PPP2R2B: variants seen among roughly 807,000 people sequenced by gnomAD.
PPP2R2B encodes the protein protein phosphatase 2 regulatory subunit Bbeta.
In PPP2R2B, 5 loss-of-function variants were observed where a neutral mutation model predicts 46.0. That is an observed-to-expected ratio of 0.11 (90% CI 0.06 to 0.23). The LOEUF is 0.23. Ranked by LOEUF, PPP2R2B falls within the 10% of genes least tolerant of loss-of-function variation. The pLI is 1.00. For missense variants in PPP2R2B, 367 were observed against 575.0 expected (o/e 0.64, Z 3.70); for synonymous variants, 215 against 206.7 (o/e 1.04, Z -0.34).
chr5:146,637,613 T>G (rs1281458842), intron 7 of PPP2R2B, among the ~76,000 whole-genome samples: 1 of 152,228 alleles, frequency 6.6e-6, no homozygotes, highest in Non-Finnish European at 1.5e-5. Context: ...TGGTTACTTT[T>G]GTGGCTGTTC....
intron 2 of PPP2R2B, among the ~76,000 whole-genome samples, chr5:146,705,302 C>T (rs141819361): frequency 3.3e-5 from 5 of 152,220 alleles, no homozygotes; most frequent in Non-Finnish European, 4.4e-5. Flanking sequence ...TGGTAGTTTT[C>T]GCCTTCAGCT....
rs368379969 is a variant in PPP2R2B at position 146,899,560 on chromosome 5, A to C, written c.79+156105T>G. Among the ~76,000 whole-genome samples the C allele has an allele frequency of 1.2e-3, 189 of 151,978 alleles. 3 individuals are homozygous for C. The East Asian group carries it at 0.02, about 16-fold the overall frequency. On this transcript the variant is annotated intron_variant, in intron 1 of 8. Coordinates refer to the PPP2R2B transcript ENST00000336640. ...TAATGGGTGCAGCACACCAGCATGGAACATGTATACATATGTAACTAACCT... is the reference window on the plus strand; with the variant it reads ...TAATGGGTGCAGCACACCAGCATGGCACATGTATACATATGTAACTAACCT...
At chr5:147,018,807 T>G (rs930035482) in intron 1 of PPP2R2B, among the ~76,000 whole-genome samples, 14 of 152,076 alleles carry the variant, frequency 9.2e-5, no homozygotes, top group African/African-American at 3.4e-4. Flanking sequence ...GTCCTCCTGG[T>G]GCCAGACCCA....
chr5:146,846,508 T>C lies in PPP2R2B; in HGVS notation c.70+31494A>G, dbSNP rs564811867. 4.1e-3 allele frequency among the ~76,000 whole-genome samples: 628 copies of C among 151,404 alleles called. 6 individuals carry two copies. Among genetic ancestry groups the C allele is most frequent in the Non-Finnish European group, 5.0e-3 (341 of 67,874 alleles). ...GCCTGACCAACATGGTGAAACCCCG[T>C]CTCTACTAAAAATACAAAAATCAGC... On this transcript the variant is annotated intron_variant, in intron 2 of 9. Transcript: ENST00000394411.
chr5:147,005,779 AAG>A (rs1158155249), intron 1 of PPP2R2B, among the ~76,000 whole-genome samples: 7 of 149,840 alleles, frequency 4.7e-5, no homozygotes, highest in African/African-American at 1.7e-4. Context: ...GGGAGTCAGA[AAG>A]AGAGAAAGAG....
At chr5:147,080,960 G>C in intron 2 of PPP2R2B, 8 of 1,138,826 alleles carry the variant, frequency 7.0e-6, no homozygotes, top group Non-Finnish European at 9.9e-6. Flanking sequence ...GGGGTGTGTG[G>C]GGACTTAGAT....
At chr5:146,813,556 T>A (rs1042586878) in intron 2 of PPP2R2B, among the ~76,000 whole-genome samples, 2 of 152,136 alleles carry the variant, frequency 1.3e-5, no homozygotes, top group Non-Finnish European at 2.9e-5. Context: ...GCTGTCCGGG[T>A]CCTCAGTGAG....
intron 2 of PPP2R2B, among the ~76,000 whole-genome samples, chr5:146,835,035 A>C (rs528170389): frequency 2.9e-4 from 44 of 152,238 alleles, no homozygotes; most frequent in African/African-American, 1.0e-3. Context: ...ACTGATGGGC[A>C]CCTAGATTGA....
intron 7 of PPP2R2B, among the ~76,000 whole-genome samples, chr5:146,635,760 C>A (rs763079092): frequency 1.6e-4 from 25 of 152,210 alleles, no homozygotes; most frequent in Non-Finnish European, 2.9e-4. Context: ...ATCCCCATTC[C>A]CACTTGTTAT....
chr5:147,018,229 G>T (rs1026084086), intron 1 of PPP2R2B, among the ~76,000 whole-genome samples: 1 of 152,044 alleles, frequency 6.6e-6, no homozygotes, highest in Non-Finnish European at 1.5e-5. Flanking sequence ...GTATGACTTC[G>T]AAAGGCAGAA....
intron 2 of PPP2R2B, among the ~76,000 whole-genome samples, chr5:147,068,475 A>G (rs1303491729): frequency 1.3e-5 from 2 of 152,200 alleles, no homozygotes; most frequent in East Asian, 3.8e-4. Context: ...ATGTGAAAAA[A>G]AATGTAAGTT....
At chr5:146,940,768 T>C (rs957568205) in intron 1 of PPP2R2B, among the ~76,000 whole-genome samples, 1 of 152,196 alleles carries the variant, frequency 6.6e-6, no homozygotes, top group Non-Finnish European at 1.5e-5. Context: ...ATCCTCCCCA[T>C]GCATCCACAG....
intron 2 of PPP2R2B, among the ~76,000 whole-genome samples, chr5:146,783,582 A>C (rs568785027): frequency 6.6e-6 from 1 of 152,344 alleles, no homozygotes; most frequent in African/African-American, 2.4e-5. Context: ...CTATTTTAAA[A>C]AATAATTAAT....
rs1447461630 is a variant in PPP2R2B, at chr5:146,823,543, T to G, written c.70+54459A>C. Among the ~76,000 whole-genome samples the G allele has an allele frequency of 2.6e-5, 4 of 152,148 alleles. No individual in the cohort carries two copies. The South Asian group carries it at 8.3e-4, about 32-fold the overall frequency. On this transcript the variant is annotated intron_variant, in intron 2 of 9. Coordinates refer to ENST00000394411, the MANE Select transcript of PPP2R2B (RefSeq NM_181675.4). ...ACCACATAACGAGCAGAACGTGCAC[T>G]GAGATGGGAAGAACAGATTTTCCAA...
chr5:146,879,530 G>A (rs1040382549), upstream of PPP2R2B, among the ~76,000 whole-genome samples: 7 of 152,150 alleles, frequency 4.6e-5, no homozygotes, highest in African/African-American at 1.7e-4. Flanking sequence ...GTACATTGAA[G>A]CACAGAAACA....
intron 1 of PPP2R2B, among the ~76,000 whole-genome samples, chr5:146,970,727 C>A (rs527542247): frequency 6.6e-6 from 1 of 152,090 alleles, no homozygotes; most frequent in Non-Finnish European, 1.5e-5. Context: ...GAGGAACTTG[C>A]GGCTCATAAG....
chr5:147,047,328 G>A (rs1443693028), intron 1 of PPP2R2B, among the ~76,000 whole-genome samples: 1 of 152,086 alleles, frequency 6.6e-6, no homozygotes, highest in East Asian at 1.9e-4. Flanking sequence ...GAGAGGATAA[G>A]TGTTTGAGAT....
At chr5:146,784,887 C>T (rs1337347086) in intron 2 of PPP2R2B, among the ~76,000 whole-genome samples, 1 of 152,034 alleles carries the variant, frequency 6.6e-6, no homozygotes, top group African/African-American at 2.4e-5. Flanking sequence ...ATTAGACATA[C>T]GTAAGTTAGA....
intron 1 of PPP2R2B, among the ~76,000 whole-genome samples, chr5:146,899,493 AGG>A (rs1932937372): frequency 6.7e-6 from 1 of 149,204 alleles, no homozygotes; most frequent in African/African-American, 2.5e-5. Context: ...GGGAGGGGTG[AGG>A]GATAGCTTTA....
Sources: allele counts gnomAD v4.1 joint callset (sites outside exome capture counted in the v4.1 genomes callset), GRCh38; gene constraint gnomAD v4.1.1; transcripts MANE v1.5; gene names NCBI Gene and HGNC (gene_info 2026-07-23, HGNC 2026-07-21).